ATP5PD: variants seen among roughly 807,000 people sequenced by gnomAD.
ATP5PD encodes the protein ATP synthase peripheral stalk subunit d.
In ATP5PD, 13 loss-of-function variants were observed where a neutral mutation model predicts 22.6. The ratio of observed to expected loss-of-function variants is 0.58; its 90% CI spans 0.37 to 0.91. The LOEUF (loss-of-function observed/expected upper bound fraction) is 0.91, where lower values mean the gene tolerates loss of function less well. ATP5PD is among the 40% of genes least tolerant of loss of function. The pLI is 0.00. For synonymous variants in ATP5PD, 51 were observed against 65.0 expected (o/e 0.79, Z 1.03); for missense variants, 165 against 188.0 (o/e 0.88, Z 0.72).
In ATP5PD at chr17:75,039,908, G is replaced by A; in HGVS notation, c.291+184C>T. On this transcript the variant is annotated intron_variant, in intron 4 of 5. Coordinates refer to ENST00000301587, the MANE Select transcript of ATP5PD (RefSeq NM_006356.3). ...CATATGCTATACTCTTCTTTTTCTTGTTGGCTTCTTTCACTCCGCATAATT... is the reference window on the plus strand; with the variant it reads ...CATATGCTATACTCTTCTTTTTCTTATTGGCTTCTTTCACTCCGCATAATT... 6 of 672,814 alleles carry A rather than the reference G, an allele frequency of 8.9e-6. 1 individual carries two copies. Among genetic ancestry groups the A allele is most frequent in the Non-Finnish European group, 1.3e-5 (5 of 388,460 alleles). The allele number at this position is 672,814 out of a possible 1,614,324, so 41.7% of individuals were successfully genotyped here.
At chr17:75,044,015 G>T (rs572502642) in intron 1 of ATP5PD, among the ~76,000 whole-genome samples, 2 of 145,652 alleles carry the variant, frequency 1.4e-5, no homozygotes, top group African/African-American at 5.3e-5. Flanking sequence ...ACCAGCACAC[G>T]TTGTGCACTT....
intron 1 of ATP5PD, among the ~76,000 whole-genome samples, chr17:75,045,034 T>C (rs542941123): frequency 1.3e-5 from 2 of 152,248 alleles, no homozygotes; most frequent in African/African-American, 4.8e-5. Flanking sequence ...TCACATAGGT[T>C]CTTTTCTATT....
intron 3 of ATP5PD, 48 bp downstream of exon 3, chr17:75,042,133 C>T: frequency 5.9e-6 from 9 of 1,516,118 alleles, no homozygotes; most frequent in Non-Finnish European, 5.5e-6. Flanking sequence ...CTGCTCCCTA[C>T]CCACAGGCAT....
intron 2 of ATP5PD, 47 bp downstream of exon 2, chr17:75,042,481 TC>T: frequency 6.3e-7 from 1 of 1,594,312 alleles, no homozygotes; most frequent in Non-Finnish European, 8.5e-7. Flanking sequence ...CTGTTTTGTT[TC>T]TAGATTCAGT....
At chr17:75,039,342 G>A (rs907662438) in intron 4 of ATP5PD, 71 bp from the exon 5 acceptor site, 1 of 1,400,018 alleles carries the variant, frequency 7.1e-7, no homozygotes, top group African/African-American at 1.4e-5. Flanking sequence ...TAAGGTAGGA[G>A]TCGTCCCAGC....
intron 3 of ATP5PD, 141 bp downstream of exon 3, chr17:75,042,040 C>A: frequency 1.5e-6 from 1 of 671,822 alleles, no homozygotes; most frequent in Non-Finnish European, 2.5e-6. Context: ...TTCAATCGAC[C>A]ACAAGGCCTT....
intron 3 of ATP5PD, chr17:75,040,399 C>T (rs2073146946): frequency 9.5e-6 from 5 of 525,890 alleles, no homozygotes; most frequent in Admixed American, 3.5e-5. Context: ...ATCACTAACT[C>T]GGAACCCTGG....
chr17:75,043,047 C>A (rs1368419456), intron 1 of ATP5PD, among the ~76,000 whole-genome samples: 1 of 151,730 alleles, frequency 6.6e-6, no homozygotes, highest in Non-Finnish European at 1.5e-5. Context: ...CATGGCAAAA[C>A]CCCATCTCTA....
Position 75,042,330 on chromosome 17 carries a change from C to A in ATP5PD, c.123-53G>T. The A allele has an allele frequency of 4.4e-6, 7 of 1,580,796 alleles. 1 individual carries two copies. Among genetic ancestry groups the A allele is most frequent in the South Asian group, 1.1e-5 (1 of 88,958 alleles). ...GATTGTTCATAAGCAGTAGAAAATT[C>A]ACATGGTAATTTTCCTATCCCTTCT... On this transcript the variant is annotated intron_variant, in intron 2 of 5. Coordinates refer to ENST00000301587, the MANE Select transcript of ATP5PD (RefSeq NM_006356.3).
At position 75,039,231 on chromosome 17, in the gene ATP5PD, C is replaced by G; in HGVS notation, c.332G>C (p.Arg111Thr). 6.2e-7 allele frequency: 1 copy of G among 1,614,208 alleles called. No homozygotes were observed. Among genetic ancestry groups the G allele is most frequent in the Non-Finnish European group, 8.5e-7 (1 of 1,180,042 alleles). Residue 111 changes from arginine to threonine, a missense_variant, in exon 5 of 6, where the codon AGG becomes ACG. Transcript: ENST00000301587. Reference protein sequence around the residue: ...CAEWVSLSKARIVEYEKEMEK... With the variant: ...CAEWVSLSKATIVEYEKEMEK... ...TACCTCTTTCTCATATTCTACAATC[C>G]TGGCCTTTGAGAGAGACACCCACTC...
intron 5 of ATP5PD, 31 bp downstream of exon 5, chr17:75,039,178 A>G (rs377649941): frequency 4.3e-6 from 7 of 1,613,624 alleles, no homozygotes; most frequent in Non-Finnish European, 5.9e-6. Context: ...GAGAACCCAT[A>G]TTATAGGCAA....
intron 2 of ATP5PD, 96 bp from the exon 3 acceptor site, chr17:75,042,373 TCAC>T: frequency 6.7e-7 from 1 of 1,491,702 alleles, no homozygotes; most frequent in Non-Finnish European, 9.2e-7. Flanking sequence ...GCCTGGAGGG[TCAC>T]CACACTTTCC....
Position 75,039,222 on chromosome 17 carries a change from T to C in ATP5PD, c.341A>G (p.Glu114Gly). The change falls in exon 5 of 6, where the codon GAA (glutamate) becomes GGA (glycine). Residue 114 changes from glutamate (E) to glycine (G), a missense_variant. Glu to Gly is a moderately conservative substitution (Grantham distance 98). Transcript: ENST00000301587. Reference sequence around the variant, plus strand: ...CATCATCCTTACCTCTTTCTCATATTCTACAATCCTGGCCTTTGAGAGAGA... The same window carrying C: ...CATCATCCTTACCTCTTTCTCATATCCTACAATCCTGGCCTTTGAGAGAGA... ...WVSLSKARIV[E>G]YEKEMEKMKN... 1 of 1,614,214 alleles carries C rather than the reference T, an allele frequency of 6.2e-7. No individual in the cohort carries two copies.
At chr17:75,039,396 C>G (rs565139532) in intron 4 of ATP5PD, 125 bp from the exon 5 acceptor site, 37 of 830,160 alleles carry the variant, frequency 4.5e-5, no homozygotes, top group African/African-American at 3.9e-4. Context: ...CTGTGGTTAC[C>G]CTGAGTGGGG....
intron 3 of ATP5PD, 40 bp downstream of exon 3, chr17:75,042,141 C>A (rs1335328910): frequency 6.5e-7 from 1 of 1,543,566 alleles, no homozygotes; most frequent in African/African-American, 1.4e-5. Flanking sequence ...TACCCACAGG[C>A]ATGTTACAAG....
chr17:75,041,580 T>C (rs1432853116), intron 3 of ATP5PD: 1 of 152,806 alleles, frequency 6.5e-6, no homozygotes, highest in Admixed American at 6.5e-5. Flanking sequence ...TAAGCTGAGA[T>C]TGCGCCACTG....
chr17:75,039,929 T>C lies in ATP5PD; in HGVS notation c.291+163A>G, dbSNP rs1460339115. On this transcript the variant is annotated intron_variant, in intron 4 of 5. Coordinates refer to ENST00000301587, the MANE Select transcript of ATP5PD (RefSeq NM_006356.3). The stretch of plus-strand genomic sequence containing the variant: ...TCTTGTTGGCTTCTTTCACTCCGCA[T>C]AATTATTTTGAAATTCGTCCATGTT... The C allele has an allele frequency of 4.0e-6, 3 of 744,218 alleles. No individual in the cohort carries two copies. The Admixed American group carries it at 7.2e-5, about 18-fold the overall frequency. The allele number at this position is 744,218 out of a possible 1,614,324, so 46.1% of individuals were successfully genotyped here.
At chr17:75,046,397 C>T (rs1050731630) in intron 1 of ATP5PD, among the ~76,000 whole-genome samples, 2 of 152,086 alleles carry the variant, frequency 1.3e-5, no homozygotes, top group Non-Finnish European at 1.5e-5. Context: ...TTTTTTAATT[C>T]TTAAAAATCT....
intron 1 of ATP5PD, among the ~76,000 whole-genome samples, chr17:75,045,959 GAACT>G (rs1165585567): frequency 6.6e-6 from 1 of 152,182 alleles, no homozygotes; most frequent in Non-Finnish European, 1.5e-5. Flanking sequence ...TTAATTTGGG[GAACT>G]AATAAATGTC....
Sources: allele counts gnomAD v4.1 joint callset (sites outside exome capture counted in the v4.1 genomes callset), GRCh38; gene constraint gnomAD v4.1.1; transcripts MANE v1.5; gene names NCBI Gene and HGNC (gene_info 2026-07-23, HGNC 2026-07-21).